Variants in SLC12A8 observed in about 807,000 individuals in gnomAD.
The protein encoded by SLC12A8 is solute carrier family 12 member 8.
SLC12A8 carries 69 observed loss-of-function variants against 75.6 expected under a neutral mutation model. That is an observed-to-expected ratio of 0.91 (90% CI 0.75 to 1.11). The LOEUF (loss-of-function observed/expected upper bound fraction) is 1.11, where lower values mean the gene tolerates loss of function less well. SLC12A8 is among the 50% of genes most tolerant of loss of function. SLC12A8 has a pLI of 0.00. For missense variants in SLC12A8, 877 were observed against 896.7 expected (o/e 0.98, Z 0.28); for synonymous variants, 365 against 372.8 (o/e 0.98, Z 0.24).
At chr3:125,183,425 G>A (rs1321616170) in intron 4 of SLC12A8, among the ~76,000 whole-genome samples, 1 of 151,998 alleles carries the variant, frequency 6.6e-6, no homozygotes, top group Admixed American at 6.6e-5. Context: ...AGGGTGTAAT[G>A]CTTCCATTCC....
intron 2 of SLC12A8, among the ~76,000 whole-genome samples, chr3:125,194,811 C>G (rs1286051964): frequency 1.3e-5 from 2 of 152,230 alleles, no homozygotes; most frequent in Admixed American, 6.5e-5. Flanking sequence ...ACATGCGAAC[C>G]AGCAGATGGC....
At chr3:125,142,252 C>T (rs1465398837) in intron 5 of SLC12A8, among the ~76,000 whole-genome samples, 1 of 152,226 alleles carries the variant, frequency 6.6e-6, no homozygotes, top group Non-Finnish European at 1.5e-5. Flanking sequence ...CCAAGCAGCC[C>T]CATCCTCGCC....
intron 13 of SLC12A8, 147 bp from the exon 14 acceptor site, chr3:125,084,199 G>A (rs2981481): frequency 0.54 from 340,039 of 624,380 alleles, 95,722 homozygotes; most frequent in African/African-American, 0.78. Flanking sequence ...TATATGTACA[G>A]GTATATATGA....
chr3:125,115,074 T>C (rs1343542157), intron 8 of SLC12A8, among the ~76,000 whole-genome samples: 1 of 152,200 alleles, frequency 6.6e-6, no homozygotes, highest in Non-Finnish European at 1.5e-5. Context: ...AAAATTTAGT[T>C]AGCATCTGCT....
chr3:125,120,773 C>A lies in SLC12A8; in HGVS notation c.737-87G>T, dbSNP rs1933037579. ...GGCTGCCCCTTCCTCTCCTGCGGGA[C>A]CCTCTCCTGGAAGCTGTCCCACCGC... On this transcript the variant is annotated intron_variant, in intron 6 of 13. Transcript: ENST00000469902. 4 of 989,882 alleles carry A rather than the reference C, an allele frequency of 4.0e-6. No homozygotes were observed. In the Admixed American group the frequency reaches 5.9e-5, roughly 14 times the overall value. The allele number at this position is 989,882 out of a possible 1,614,324, so 61.3% of individuals were successfully genotyped here. A position where few individuals can be genotyped will look rare whatever the true frequency, so the allele number is the denominator to read the frequency against.
chr3:125,175,038 G>T (rs970515839), intron 5 of SLC12A8, among the ~76,000 whole-genome samples: 1 of 152,184 alleles, frequency 6.6e-6, no homozygotes, highest in Non-Finnish European at 1.5e-5. Context: ...AAACTGTGGT[G>T]GGGGAGAGAG....
At chr3:125,123,611 C>A (rs913000479) in intron 6 of SLC12A8, 1 of 151,962 alleles carries the variant, frequency 6.6e-6, no homozygotes, top group African/African-American at 2.4e-5. Flanking sequence ...TGGCAGCAGG[C>A]GAGAGAGAGC....
rs747266705 is a variant in SLC12A8, at chr3:125,088,310, C to T, written c.1982G>A (p.Arg661Lys). The change falls in exon 13 of 14, where the codon AGG becomes AAG. Residue 661 changes from arginine (R) to lysine (K), a missense_variant and splice_region_variant. Coordinates refer to ENST00000469902, the MANE Select transcript of SLC12A8 (RefSeq NM_024628.6). Reference protein sequence around the residue: ...WMRSLLLPSCRSLRSPQEQII... With the variant: ...WMRSLLLPSCKSLRSPQEQII... ...GTACTGGCTCCAAATTGGCACAGAC[C>T]TGCAGGAGGGGAGCAAGAGAGACCT... 6.1e-5 allele frequency: 99 copies of T among 1,614,012 alleles called. No individual in the cohort carries two copies. The highest frequency in any genetic ancestry group is 7.9e-5 in the Non-Finnish European group (93 of 1,180,016).
At chr3:125,142,220 T>G (rs940397772) in intron 5 of SLC12A8, among the ~76,000 whole-genome samples, 2 of 152,126 alleles carry the variant, frequency 1.3e-5, no homozygotes, top group East Asian at 3.9e-4. Flanking sequence ...TCCTGCCACT[T>G]GTCACCCACA....
Position 125,120,680 on chromosome 3 carries a change from A to G in SLC12A8, c.743T>C (p.Met248Thr), listed in dbSNP as rs1254558178. The G allele has an allele frequency of 3.7e-6, 6 of 1,613,414 alleles. No homozygotes were observed. The highest frequency in any genetic ancestry group is 1.6e-4 in the Middle Eastern group (1 of 6,082). The change falls in exon 7 of 14, where the codon ATG becomes ACG. Residue 248 changes from methionine to threonine, a missense_variant. Met to Thr is a moderately conservative substitution (Grantham distance 81). Coordinates refer to ENST00000469902, the MANE Select transcript of SLC12A8 (RefSeq NM_024628.6). The stretch of plus-strand genomic sequence containing the variant: ...GTCGCCCCCCATGTTGAAGCCGGCC[A>G]TGACTCCTGAAAGACACCCAGATGG... ...GVFFPAATGV[M>T]AGFNMGGDLR... is the part of the protein sequence containing the mutation.
chr3:125,190,299 C>T (rs1934884180), intron 3 of SLC12A8, 76 bp downstream of exon 3: 2 of 1,528,640 alleles, frequency 1.3e-6, no homozygotes, highest in Middle Eastern at 1.7e-4. Flanking sequence ...GTGGCCTGCA[C>T]TGTAGAATGC....
chr3:125,153,447 C>T (rs2107773026), intron 5 of SLC12A8, among the ~76,000 whole-genome samples: 1 of 152,286 alleles, frequency 6.6e-6, no homozygotes, highest in African/African-American at 2.4e-5. Context: ...CTTTCAGAAA[C>T]ACCAAAGGAT....
intron 5 of SLC12A8, among the ~76,000 whole-genome samples, chr3:125,167,302 G>A (rs535084143): frequency 2.0e-4 from 30 of 152,102 alleles, no homozygotes; most frequent in African/African-American, 6.0e-4. Flanking sequence ...GGCATGCACC[G>A]CACCTGGCTA....
At chr3:125,106,641 G>A (rs1221670340) in intron 10 of SLC12A8, among the ~76,000 whole-genome samples, 11 of 152,102 alleles carry the variant, frequency 7.2e-5, no homozygotes, top group South Asian at 6.2e-4. Context: ...GTGAGCCACC[G>A]CGCCCGGCCA....
At chr3:125,174,078 C>A (rs775088877) in intron 5 of SLC12A8, among the ~76,000 whole-genome samples, 1 of 152,186 alleles carries the variant, frequency 6.6e-6, no homozygotes, top group African/African-American at 2.4e-5. Flanking sequence ...GGTGACAGAA[C>A]AAGACCCTGT....
intron 5 of SLC12A8, among the ~76,000 whole-genome samples, chr3:125,168,041 T>C (rs977220137): frequency 2.6e-4 from 39 of 151,958 alleles, no homozygotes; most frequent in African/African-American, 9.4e-4. Flanking sequence ...CTTCAGTGCA[T>C]AGGAGGTGTC....
intron 5 of SLC12A8, among the ~76,000 whole-genome samples, chr3:125,162,151 G>A (rs1012568318): frequency 5.3e-5 from 8 of 152,242 alleles, no homozygotes; most frequent in Admixed American, 1.3e-4. Context: ...AGCAGCTAAG[G>A]GGCTAGGGTT....
intron 2 of SLC12A8, among the ~76,000 whole-genome samples, chr3:125,194,425 C>G (rs191482052): frequency 7.2e-6 from 1 of 138,802 alleles, no homozygotes; most frequent in South Asian, 2.3e-4. Context: ...CATACTTGAG[C>G]GAGGTGGGGG....
intron 4 of SLC12A8, among the ~76,000 whole-genome samples, chr3:125,181,368 G>A (rs1483551030): frequency 6.6e-6 from 1 of 150,878 alleles, no homozygotes; most frequent in Non-Finnish European, 1.5e-5. Flanking sequence ...TTGGGAGGCC[G>A]AGGCGGGTGG....
Sources: allele counts gnomAD v4.1 joint callset (sites outside exome capture counted in the v4.1 genomes callset), GRCh38; gene constraint gnomAD v4.1.1; transcripts MANE v1.5; gene names NCBI Gene and HGNC (gene_info 2026-07-23, HGNC 2026-07-21).